Variants in NAV1 observed in about 807,000 individuals in gnomAD.
The protein encoded by NAV1 is pore membrane and/or filament interacting like protein 3.
A neutral mutation model predicts 175.2 loss-of-function variants in NAV1; 18 were observed. The ratio of observed to expected loss-of-function variants is 0.10; its 90% CI spans 0.07 to 0.15. NAV1 has a LOEUF of 0.15. Ranked by LOEUF, NAV1 falls within the 10% of genes least tolerant of loss-of-function variation. The pLI is 1.00. For synonymous variants in NAV1, 897 were observed against 978.7 expected, an observed-to-expected ratio of 0.92 and a Z score of 1.56; for missense variants, 1,731 against 2,436.6, an observed-to-expected ratio of 0.71 and a Z score of 6.10.
chr1:201,715,733 A>AG (rs1226632517), intron 2 of NAV1, among the ~76,000 whole-genome samples: 1 of 152,200 alleles, frequency 6.6e-6, no homozygotes, highest in Non-Finnish European at 1.5e-5. Flanking sequence ...GCTTCCTGCA[A>AG]GGCTGTTTTC....
At chr1:201,643,735 A>C (rs1668884577), upstream of NAV1, among the ~76,000 whole-genome samples, 1 of 152,016 alleles carries the variant, frequency 6.6e-6, no homozygotes, top group Admixed American at 6.6e-5. Flanking sequence ...TTCAAGGTCA[A>C]TGAGCTGGGG....
intron 3 of NAV1, among the ~76,000 whole-genome samples, chr1:201,778,636 A>C (rs2102699052): frequency 6.6e-6 from 1 of 152,296 alleles, no homozygotes; most frequent in East Asian, 1.9e-4. Flanking sequence ...ATAGTCATAA[A>C]ATTTAAAGAA....
At chr1:201,557,760 A>T (rs1047165970) in intron 1 of NAV1, among the ~76,000 whole-genome samples, 10 of 152,200 alleles carry the variant, frequency 6.6e-5, no homozygotes, top group African/African-American at 2.2e-4. Context: ...GAGAAATGTC[A>T]AACGTGGTTT....
chr1:201,813,349 C>G lies in NAV1; in HGVS notation c.5340+91C>G. The G allele has an allele frequency of 1.2e-6, 1 of 853,558 alleles. No individual in the cohort carries two copies. The highest frequency in any genetic ancestry group is 1.9e-6 in the Non-Finnish European group (1 of 531,484). The allele number at this position is 853,558 out of a possible 1,614,324, so 52.9% of individuals were successfully genotyped here. On this transcript the variant is annotated intron_variant, in intron 28 of 29. Coordinates refer to ENST00000367296, the Ensembl canonical transcript of NAV1. The surrounding 1 kb of genome is among the most constrained non-coding windows in gnomAD (Gnocchi z 4.2). ...TTCTTTAATGTTAGGCATGGGACTA[C>G]TAGGATTAGTTAGGTTCTCTTTCTA...
chr1:201,822,718 C>A (rs1157331936), exon 30 of NAV1: 1 of 152,652 alleles, frequency 6.6e-6, no homozygotes. Context: ...AAAGTGTGTT[C>A]CCGTCTAGTG....
chr1:201,648,341 C>A (rs1027506273), exon 1 of NAV1: 283 of 1,175,754 alleles, frequency 2.4e-4, no homozygotes, highest in Non-Finnish European at 2.8e-4. Context: ...GGGCTTCCAT[C>A]CTTCCTTTGA....
chr1:201,659,640 A>G (rs1246428951), intron 1 of NAV1, among the ~76,000 whole-genome samples: 3 of 152,186 alleles, frequency 2.0e-5, no homozygotes, highest in African/African-American at 7.2e-5. Context: ...TGAATAATAA[A>G]TAAAATAAAT....
chr1:201,697,278 G>A (rs568169128), intron 1 of NAV1, among the ~76,000 whole-genome samples: 19 of 152,298 alleles, frequency 1.2e-4, no homozygotes, highest in African/African-American at 4.3e-4. Flanking sequence ...GAAGGGATCA[G>A]TGACACAGCA....
intron 1 of NAV1, among the ~76,000 whole-genome samples, chr1:201,553,312 G>A (rs887177198): frequency 8.5e-5 from 13 of 152,222 alleles, no homozygotes; most frequent in Non-Finnish European, 1.2e-4. Flanking sequence ...CAGGGCTGCC[G>A]GCTCTGTTTG....
intron 28 of NAV1, among the ~76,000 whole-genome samples, chr1:201,816,158 G>A (rs1267364323): frequency 6.6e-6 from 1 of 152,166 alleles, no homozygotes; most frequent in East Asian, 1.9e-4. Context: ...GATCATCTGA[G>A]GTCAGGAGTT....
At chr1:201,610,422 G>C (rs1325366845) in intron 2 of NAV1, among the ~76,000 whole-genome samples, 2 of 152,204 alleles carry the variant, frequency 1.3e-5, no homozygotes, top group Non-Finnish European at 2.9e-5. Flanking sequence ...CAAGCCCCTA[G>C]AATGGAGAAC....
intron 1 of NAV1, among the ~76,000 whole-genome samples, chr1:201,553,882 T>C (rs986460075): frequency 2.6e-5 from 4 of 152,248 alleles, no homozygotes; most frequent in African/African-American, 9.6e-5. Context: ...ACAGTTTGTT[T>C]ATGGGAGGAA....
At chr1:201,733,713 G>T (rs79308255) in intron 3 of NAV1, among the ~76,000 whole-genome samples, 5,695 of 152,184 alleles carry the variant, frequency 0.037, 354 homozygotes, top group African/African-American at 0.13. Flanking sequence ...GGAGAGAGCT[G>T]TCCAGGCAGA....
At chr1:201,730,956 G>T (rs1370195987) in intron 3 of NAV1, among the ~76,000 whole-genome samples, 1 of 152,176 alleles carries the variant, frequency 6.6e-6, no homozygotes, top group Non-Finnish European at 1.5e-5. Context: ...GTCCAAAGAT[G>T]CTGAAGGACT....
intron 1 of NAV1, 77 bp from the exon 4 acceptor site, chr1:201,629,327 G>A: frequency 9.5e-7 from 1 of 1,052,862 alleles, no homozygotes; most frequent in Non-Finnish European, 1.3e-6. Flanking sequence ...TTCTAAGAGG[G>A]TTTTCTTAGC....
chr1:201,712,812 A>C lies in NAV1; in HGVS notation c.758-5A>C. ...TCACCCAGCTCTTCCTTCTCTCCCT[A>C]CCAGACCCAGAGTCCCAGAGAAAGA... is the stretch of plus-strand genomic sequence containing the variant. On this transcript the variant is annotated splice_polypyrimidine_tract_variant and splice_region_variant and intron_variant, in intron 1 of 29. Coordinates refer to ENST00000367296, the Ensembl canonical transcript of NAV1. 1.9e-6 allele frequency: 3 copies of C among 1,606,398 alleles called. No homozygotes were observed. Among genetic ancestry groups the C allele is most frequent in the Non-Finnish European group, 1.7e-6 (2 of 1,173,194 alleles).
chr1:201,680,238 G>C (rs370403375), intron 1 of NAV1, among the ~76,000 whole-genome samples: 1 of 152,078 alleles, frequency 6.6e-6, no homozygotes, highest in East Asian at 1.9e-4. Context: ...GGCTGGGCGC[G>C]GTGGCTCACG....
intron 1 of NAV1, among the ~76,000 whole-genome samples, chr1:201,551,434 G>C (rs1665851710): frequency 6.6e-6 from 1 of 152,096 alleles, no homozygotes; most frequent in Non-Finnish European, 1.5e-5. Context: ...TTGCTATGTT[G>C]CCCAGGCTGG....
exon 29 of NAV1, chr1:201,817,285 G>T (rs116246396): frequency 6.2e-7 from 1 of 1,613,890 alleles, no homozygotes; most frequent in Non-Finnish European, 8.5e-7. Context: ...CAGATCCTCT[G>T]GTGAGTAGAA....
Sources: gnomAD v4.1 joint callset for allele counts (sites outside exome capture counted in the v4.1 genomes callset) on GRCh38, gnomAD v4.1.1 for gene constraint, Gnocchi (gnomAD v3.1) non-coding constraint, MANE v1.5 for transcripts, NCBI Gene and HGNC (gene_info 2026-07-23, HGNC 2026-07-21) for gene names.